The following FRMD4B variants were observed in gnomAD, a reference collection of about 807,000 sequenced individuals.
The protein encoded by FRMD4B is FERM domain containing 4B, also known as FERM domain-containing protein 4B.
In FRMD4B, 74 loss-of-function variants were observed where a neutral mutation model predicts 141.5. That is an observed-to-expected ratio of 0.52 (90% CI 0.43 to 0.63). The LOEUF (loss-of-function observed/expected upper bound fraction) is 0.63, where lower values mean the gene tolerates loss of function less well. FRMD4B is among the 30% of genes least tolerant of loss of function. FRMD4B has a pLI of 0.00. For synonymous variants in FRMD4B, 506 were observed against 467.9 expected (o/e 1.08, Z -1.05); for missense variants, 1,366 against 1,253.4 (o/e 1.09, Z -1.36).
intron 8 of FRMD4B, 82 bp from the exon 9 acceptor site, chr3:69,222,005 T>C: frequency 2.6e-6 from 2 of 774,096 alleles, no homozygotes; most frequent in Non-Finnish European, 4.5e-6. Flanking sequence ...CAGGTGGCTG[T>C]CAGGAAACTT....
chr3:69,317,854 T>C (rs916668101), intron 1 of FRMD4B, among the ~76,000 whole-genome samples: 1 of 151,498 alleles, frequency 6.6e-6, no homozygotes, highest in African/African-American at 2.4e-5. Flanking sequence ...TGTTTTCCAG[T>C]CACTTATAGT....
chr3:69,431,941 A>G (rs1050809461), intron 2 of FRMD4B, among the ~76,000 whole-genome samples: 6 of 152,244 alleles, frequency 3.9e-5, no homozygotes, highest in African/African-American at 1.4e-4. Flanking sequence ...TTCTGAGAGC[A>G]TCTCATGAAG....
At chr3:69,273,956 C>A (rs1212965932) in intron 5 of FRMD4B, among the ~76,000 whole-genome samples, 2 of 150,274 alleles carry the variant, frequency 1.3e-5, no homozygotes, top group Non-Finnish European at 3.0e-5. Context: ...GGGGCAGAGA[C>A]TAGAGCTGAA....
chr3:69,438,539 C>G (rs1575802659), intron 1 of FRMD4B, among the ~76,000 whole-genome samples: 1 of 152,180 alleles, frequency 6.6e-6, no homozygotes, highest in Admixed American at 6.5e-5. Flanking sequence ...TGCTAAAAAT[C>G]TAGCTGTTGA....
rs375157975 is a variant in FRMD4B at position 69,274,720 on chromosome 3, T to C, written c.501+13032A>G. Among the ~76,000 whole-genome samples, 388 of 152,218 alleles carry C rather than the reference T, an allele frequency of 2.5e-3. 3 individuals are homozygous for C. The highest frequency in any genetic ancestry group is 8.7e-3 in the African/African-American group (361 of 41,554). On this transcript the variant is annotated intron_variant, in intron 5 of 22. Coordinates refer to ENST00000398540, the MANE Select transcript of FRMD4B (RefSeq NM_015123.3). ...TTTTAGTAGAGACGGGGTTTTACCATGTTGGCCAGGCTGGTCTCGTACTCC... is the reference window on the plus strand; with the variant it reads ...TTTTAGTAGAGACGGGGTTTTACCACGTTGGCCAGGCTGGTCTCGTACTCC...
intron 7 of FRMD4B, among the ~76,000 whole-genome samples, chr3:69,236,259 C>T (rs990288106): frequency 4.0e-5 from 6 of 148,240 alleles, no homozygotes; most frequent in Middle Eastern, 3.2e-3. Flanking sequence ...GATGGAGTCT[C>T]GCTCTGTTGC....
intron 7 of FRMD4B, among the ~76,000 whole-genome samples, chr3:69,239,782 C>T (rs1465000041): frequency 1.3e-5 from 2 of 152,002 alleles, no homozygotes; most frequent in African/African-American, 4.8e-5. Context: ...CACGTCCAGG[C>T]GTGGTGGCTC....
chr3:69,466,944 T>A (rs546654252), intron 1 of FRMD4B, among the ~76,000 whole-genome samples: 109 of 152,300 alleles, frequency 7.2e-4, no homozygotes, highest in Non-Finnish European at 1.4e-3. Context: ...TCAAGCCATC[T>A]GCCCACCTTC....
chr3:69,222,969 T>G (rs1356590194), intron 8 of FRMD4B, among the ~76,000 whole-genome samples: 1 of 152,206 alleles, frequency 6.6e-6, no homozygotes, highest in Non-Finnish European at 1.5e-5. Context: ...CAGCAAGTGT[T>G]AGGCATTAAA....
chr3:69,295,825 T>C (rs1447944460), intron 4 of FRMD4B, among the ~76,000 whole-genome samples: 1 of 152,020 alleles, frequency 6.6e-6, no homozygotes, highest in African/African-American at 2.4e-5. Context: ...TTCTTTCTTT[T>C]TTTCTTTTGG....
intron 1 of FRMD4B, among the ~76,000 whole-genome samples, chr3:69,331,446 T>C (rs1702367820): frequency 6.6e-6 from 1 of 152,202 alleles, no homozygotes; most frequent in Non-Finnish European, 1.5e-5. Context: ...ATGTATCCTC[T>C]CTGAGTAGCT....
At chr3:69,367,992 TATATCA>T (rs1464057574) in intron 1 of FRMD4B, among the ~76,000 whole-genome samples, 2 of 152,252 alleles carry the variant, frequency 1.3e-5, no homozygotes, top group Non-Finnish European at 2.9e-5. Context: ...CTATATGACA[TATATCA>T]GTATGTAAAA....
chr3:69,503,957 C>G (rs1706549023), intron 1 of FRMD4B, among the ~76,000 whole-genome samples: 2 of 152,132 alleles, frequency 1.3e-5, no homozygotes, highest in East Asian at 1.9e-4. Flanking sequence ...CACATCAGTA[C>G]TCAATACAAT....
At chr3:69,481,647 G>T (rs1052723803) in intron 1 of FRMD4B, among the ~76,000 whole-genome samples, 1 of 152,120 alleles carries the variant, frequency 6.6e-6, no homozygotes, top group Non-Finnish European at 1.5e-5. Flanking sequence ...TCAATTTCTG[G>T]CTCACTGACT....
chr3:69,450,796 A>G (rs905162026), intron 1 of FRMD4B, among the ~76,000 whole-genome samples: 10 of 134,076 alleles, frequency 7.5e-5, no homozygotes, highest in Admixed American at 6.9e-4. Flanking sequence ...CAACAAAACA[A>G]CAACAACAAA....
chr3:69,174,752 G>A (rs890532682), intron 22 of FRMD4B, among the ~76,000 whole-genome samples: 4 of 152,144 alleles, frequency 2.6e-5, no homozygotes, highest in African/African-American at 9.7e-5. Flanking sequence ...TATGAGAACT[G>A]AGTAATGCAC....
intron 5 of FRMD4B, among the ~76,000 whole-genome samples, chr3:69,259,897 T>C (rs9872985): frequency 0.018 from 2,688 of 152,274 alleles, 95 homozygotes; most frequent in African/African-American, 0.061. Context: ...GCTCAAGAGA[T>C]CCTTTGGCCA....
chr3:69,222,448 C>T (rs945198856), intron 8 of FRMD4B, among the ~76,000 whole-genome samples: 1 of 91,638 alleles, frequency 1.1e-5, no homozygotes, highest in Non-Finnish European at 2.0e-5. Flanking sequence ...TTCTAGGTGA[C>T]AAGAGTGAAA....
At chr3:69,216,188 T>C in intron 11 of FRMD4B, 75 bp downstream of exon 11, 1 of 817,880 alleles carries the variant, frequency 1.2e-6, no homozygotes, top group Non-Finnish European at 2.0e-6. Flanking sequence ...AACCTAATGG[T>C]GTGTGCTTTT....
Sources: allele counts gnomAD v4.1 joint callset (sites outside exome capture counted in the v4.1 genomes callset), GRCh38; gene constraint gnomAD v4.1.1; transcripts MANE v1.5; gene names NCBI Gene and HGNC (gene_info 2026-07-23, HGNC 2026-07-21).